The following LDLRAP1 variants were observed in gnomAD, a reference collection of about 807,000 sequenced individuals.
LDLRAP1 encodes the protein low density lipoprotein receptor adapter protein 1.
LDLRAP1 carries 30 observed loss-of-function variants against 37.8 expected under a neutral mutation model. That is an observed-to-expected ratio of 0.79 (90% CI 0.59 to 1.08). The LOEUF is 1.08. LDLRAP1 is among the 50% of genes least tolerant of loss of function. LDLRAP1 has a pLI of 0.00. For missense variants in LDLRAP1, 375 were observed against 401.6 expected (o/e 0.93, Z 0.57); for synonymous variants, 156 against 169.8 (o/e 0.92, Z 0.63).
intron 5 of LDLRAP1, 22 bp downstream of exon 5, chr1:25,562,738 G>C (rs759103907): frequency 4.4e-6 from 7 of 1,605,982 alleles, no homozygotes; most frequent in Non-Finnish European, 6.0e-6. Flanking sequence ...CATCTACATT[G>C]TGGGTGTGGT....
the LDLRAP1 span, among the ~76,000 whole-genome samples, chr1:25,575,453 T>G: frequency 7.2e-6 from 1 of 138,858 alleles, no homozygotes. Flanking sequence ...AAACCAGCTG[T>G]GCATGGTGGC....
chr1:25,551,708 C>T (rs184071085), intron 1 of LDLRAP1, among the ~76,000 whole-genome samples: 21 of 152,142 alleles, frequency 1.4e-4, no homozygotes, highest in Admixed American at 1.2e-3. Context: ...GTTGATGGGA[C>T]AGAGGATAAG....
At chr1:25,566,226 C>G (rs536745295) in intron 8 of LDLRAP1, among the ~76,000 whole-genome samples, 1 of 152,186 alleles carries the variant, frequency 6.6e-6, no homozygotes, top group Non-Finnish European at 1.5e-5. Flanking sequence ...CATGCTAATC[C>G]TATACATATA....
chr1:25,580,366 T>A, the LDLRAP1 span, among the ~76,000 whole-genome samples: 11 of 152,148 alleles, frequency 7.2e-5, no homozygotes, highest in Admixed American at 5.2e-4. Context: ...GGTAACAGAA[T>A]GTCTCTAAAA....
intron 1 of LDLRAP1, among the ~76,000 whole-genome samples, chr1:25,550,817 G>A (rs2044055245): frequency 6.6e-6 from 1 of 152,214 alleles, no homozygotes; most frequent in African/African-American, 2.4e-5. Context: ...GGTCAGGCCA[G>A]GGAAGGAGGA....
intron 5 of LDLRAP1, 75 bp from the exon 6 acceptor site, chr1:25,562,995 C>A: frequency 7.0e-7 from 1 of 1,432,988 alleles, no homozygotes; most frequent in Non-Finnish European, 9.9e-7. Flanking sequence ...CACCGCTAAT[C>A]ACCCCTGCCC....
At chr1:25,582,800 G>A in the LDLRAP1 span, among the ~76,000 whole-genome samples, 93 of 152,050 alleles carry the variant, frequency 6.1e-4, no homozygotes, top group African/African-American at 8.4e-4. Context: ...AGCCGGGTAC[G>A]GTGGCTCACA....
downstream of LDLRAP1, among the ~76,000 whole-genome samples, chr1:25,570,752 G>A (rs80271121): frequency 0.012 from 1,848 of 152,224 alleles, 145 homozygotes; most frequent in Admixed American, 0.11. Flanking sequence ...CCAGCTACTT[G>A]GGAGGCTGAG....
rs750051991 is a variant in LDLRAP1, at chr1:25,565,175, G to A, written c.750G>A (p.Glu250=). 1.2e-6 allele frequency: 2 copies of A among 1,614,202 alleles called. No individual in the cohort carries two copies. Among genetic ancestry groups the A allele is most frequent in the South Asian group, 2.2e-5 (2 of 91,092 alleles). ...TCTCCTGCTTTGTTTTCCCCAAGGA[G>A]CTGGATGATGGCCTGGATGAAGCGT... The part of the protein sequence containing the change: ...QALSGSSVVW[E]LDDGLDEAFS... The change falls in exon 8 of 9, where the codon GAG becomes GAA. Residue 250 remains glutamate (E), a splice_region_variant and synonymous_variant. Coordinates refer to ENST00000374338, the MANE Select transcript of LDLRAP1 (RefSeq NM_015627.3).
chr1:25,584,221 G>C, the LDLRAP1 span, among the ~76,000 whole-genome samples: 196 of 152,054 alleles, frequency 1.3e-3, no homozygotes, highest in African/African-American at 4.5e-3. Context: ...CTGGCTCCTA[G>C]ATAACCTCTT....
chr1:25,548,769 G>A (rs1183982753), intron 1 of LDLRAP1, among the ~76,000 whole-genome samples: 1 of 152,132 alleles, frequency 6.6e-6, no homozygotes, highest in Non-Finnish European at 1.5e-5. Context: ...GACCTCCTGG[G>A]CTCAAGGGAT....
the LDLRAP1 span, among the ~76,000 whole-genome samples, chr1:25,588,618 CT>C: frequency 6.6e-6 from 1 of 152,224 alleles, no homozygotes; most frequent in Admixed American, 6.5e-5. Context: ...ATCCCCTTCT[CT>C]GAGAAACACC....
At chr1:25,563,892 G>A in intron 7 of LDLRAP1, 101 bp downstream of exon 7, 2 of 1,533,710 alleles carry the variant, frequency 1.3e-6, no homozygotes, top group South Asian at 2.3e-5. Flanking sequence ...GTGACTTGTG[G>A]GCCTCTGGGA....
chr1:25,575,425 A>G, the LDLRAP1 span, among the ~76,000 whole-genome samples: 1 of 88,728 alleles, frequency 1.1e-5, no homozygotes, highest in South Asian at 4.8e-4. Context: ...GTCTCTACTA[A>G]AAAAAAAAAA....
In LDLRAP1 at chr1:25,567,000, G is replaced by A; in HGVS notation, c.*8G>A. The A allele has an allele frequency of 3.1e-6, 5 of 1,613,198 alleles. No homozygotes were observed. Among genetic ancestry groups the A allele is most frequent in the Non-Finnish European group, 4.2e-6 (5 of 1,180,018 alleles). ...GACCTCTTCAGCTTCTGAGGGCCCG[G>A]GGCCAGCCGGACACAAGCGGCCCTG... On this transcript the variant is annotated 3_prime_UTR_variant, in exon 9 of 9. Coordinates refer to ENST00000374338, the MANE Select transcript of LDLRAP1 (RefSeq NM_015627.3).
the LDLRAP1 span, among the ~76,000 whole-genome samples, chr1:25,587,612 T>G: frequency 2.6e-5 from 4 of 152,220 alleles, no homozygotes; most frequent in Non-Finnish European, 4.4e-5. Flanking sequence ...GGACTTGTGC[T>G]GGAACCAGAA....
chr1:25,567,410 T>G lies in LDLRAP1; in HGVS notation c.*418T>G. Reference sequence around the variant, plus strand: ...CCAAATTTCCCTGGGGGCATCCTGCTTCCTGAAAGCTGTTGGATTTCAGTG... The same window carrying G: ...CCAAATTTCCCTGGGGGCATCCTGCGTCCTGAAAGCTGTTGGATTTCAGTG... On this transcript the variant is annotated 3_prime_UTR_variant, in exon 9 of 9. Coordinates refer to ENST00000374338, the MANE Select transcript of LDLRAP1 (RefSeq NM_015627.3). 3.2e-6 allele frequency: 1 copy of G among 312,488 alleles called. No individual in the cohort carries two copies. The allele number at this position is 312,488 out of a possible 1,614,324, so 19.4% of individuals were successfully genotyped here. A position where few individuals can be genotyped will look rare whatever the true frequency, so the allele number is the denominator to read the frequency against.
chr1:25,548,617 G>A (rs35171093), intron 1 of LDLRAP1, among the ~76,000 whole-genome samples: 30,877 of 151,774 alleles, frequency 0.2, 7,483 homozygotes, highest in African/African-American at 0.59. Context: ...CCAGAGTGCT[G>A]GGATTACAGA....
At chr1:25,559,932 G>T (rs563118961) in intron 4 of LDLRAP1, among the ~76,000 whole-genome samples, 4 of 152,192 alleles carry the variant, frequency 2.6e-5, no homozygotes, top group African/African-American at 9.7e-5. Flanking sequence ...TGGAACCCAG[G>T]GGGGCTTAGT....
Sources: gnomAD v4.1 joint callset for allele counts (sites outside exome capture counted in the v4.1 genomes callset) on GRCh38, gnomAD v4.1.1 for gene constraint, MANE v1.5 for transcripts, NCBI Gene and HGNC (gene_info 2026-07-23, HGNC 2026-07-21) for gene names.